The following RAB39A variants were observed in gnomAD, a reference collection of about 807,000 sequenced individuals.
RAB39A encodes RAB39A, member RAS oncogene family, also known as ras-related protein Rab-39A.
Under a neutral mutation model 20.9 loss-of-function variants are expected in RAB39A, and 17 were observed. The observed-to-expected ratio is 0.81, with a 90% CI of 0.56 to 1.22. The LOEUF (loss-of-function observed/expected upper bound fraction) is 1.22. Ranked by LOEUF, RAB39A falls within the 50% of genes most tolerant of loss-of-function variation. The pLI, the probability that RAB39A is intolerant of heterozygous loss-of-function variation, is 0.00. For synonymous variants in RAB39A, 99 were observed against 103.4 expected, an observed-to-expected ratio of 0.96 and a Z score of 0.26; for missense variants, 234 against 270.5, an observed-to-expected ratio of 0.87 and a Z score of 0.95.
intron 1 of RAB39A, among the ~76,000 whole-genome samples, chr11:107,961,166 T>G (rs1419749155): frequency 2.0e-5 from 3 of 152,142 alleles, no homozygotes; most frequent in African/African-American, 7.2e-5. Context: ...TACCACAGAA[T>G]GGGGATTTAA....
chr11:107,928,659 G>A lies in RAB39A; in HGVS notation c.91G>A (p.Gly31Ser). The change falls in exon 1 of 2, where the codon GGC (glycine) becomes AGC (serine). Residue 31 changes from glycine (G) to serine (S), a missense_variant. Physicochemically the swap from Gly to Ser is moderately conservative, Grantham distance 56 (BLOSUM62 0). Coordinates refer to ENST00000320578, the MANE Select transcript of RAB39A (RefSeq NM_017516.3). This position sits in a 1 kb window ranked among gnomAD's most constrained non-coding sequence, Gnocchi z 4.9. ...KSCLLHRFTQGRFPGLRSPAC... is the reference protein window; with the variant it reads ...KSCLLHRFTQSRFPGLRSPAC... ...CTGCCTCCTGCACCGCTTCACCCAGGGCCGCTTCCCCGGGCTGCGCTCCCC... is the reference window on the plus strand; with the variant it reads ...CTGCCTCCTGCACCGCTTCACCCAGAGCCGCTTCCCCGGGCTGCGCTCCCC... 6.2e-7 allele frequency: 1 copy of A among 1,612,706 alleles called. No homozygotes were observed. The highest frequency in any genetic ancestry group is 8.5e-7 in the Non-Finnish European group (1 of 1,179,136).
intron 1 of RAB39A, among the ~76,000 whole-genome samples, chr11:107,947,646 G>A (rs2134964797): frequency 6.6e-6 from 1 of 151,896 alleles, no homozygotes; most frequent in East Asian, 1.9e-4. Context: ...TGGAACCACA[G>A]AGAAGTTCCT....
intron 1 of RAB39A, among the ~76,000 whole-genome samples, chr11:107,945,745 C>A (rs539992548): frequency 6.6e-6 from 1 of 152,200 alleles, no homozygotes; most frequent in South Asian, 2.1e-4. Flanking sequence ...ATATATCAAA[C>A]AATTTTCTCT....
chr11:107,961,820 T>G (rs1373269501), intron 1 of RAB39A, 126 bp from the exon 2 acceptor site: 1 of 810,792 alleles, frequency 1.2e-6, no homozygotes, highest in Admixed American at 3.1e-5. Flanking sequence ...ACCTCATATT[T>G]TATTTATAAA....
At chr11:107,956,445 A>G (rs1376361546) in intron 1 of RAB39A, among the ~76,000 whole-genome samples, 3 of 152,230 alleles carry the variant, frequency 2.0e-5, no homozygotes, top group Admixed American at 6.5e-5. Context: ...GCTATACAAG[A>G]GTACTGACCT....
At chr11:107,939,385 T>A (rs2134955925) in intron 1 of RAB39A, among the ~76,000 whole-genome samples, 1 of 149,358 alleles carries the variant, frequency 6.7e-6, no homozygotes, top group South Asian at 2.1e-4. Context: ...GGCGGGCAGA[T>A]CACAAGGTCA....
chr11:107,942,944 T>C lies in RAB39A; in HGVS notation c.227+14149T>C, dbSNP rs73553033. On this transcript the variant is annotated intron_variant, in intron 1 of 1. Transcript: ENST00000320578. Reference sequence around the variant, plus strand: ...GTTCACCCAAACCACTATTTTATTGTTATATTCTGAAAACAAAAGGAGAAA... The same window carrying C: ...GTTCACCCAAACCACTATTTTATTGCTATATTCTGAAAACAAAAGGAGAAA... 6.5e-3 allele frequency among the ~76,000 whole-genome samples: 994 copies of C among 152,312 alleles called. 11 individuals are homozygous for C. Among genetic ancestry groups the C allele is most frequent in the African/African-American group, 0.023 (946 of 41,574 alleles).
chr11:107,933,954 C>A (rs1449875000), intron 1 of RAB39A, among the ~76,000 whole-genome samples: 10 of 152,148 alleles, frequency 6.6e-5, no homozygotes, highest in Non-Finnish European at 1.5e-4. Context: ...CCGCACCCAG[C>A]CTGTGATTCT....
At position 107,962,195 on chromosome 11, in the gene RAB39A, G is replaced by A; in HGVS notation, c.477G>A (p.Lys159=). The A allele has an allele frequency of 6.2e-7, 1 of 1,614,040 alleles. No individual in the cohort carries two copies. The highest frequency in any genetic ancestry group is 8.5e-7 in the Non-Finnish European group (1 of 1,179,978). ...TGAAGTATATAGAAACCTCAGCAAA[G>A]GATGCTACAAATGTTGAAGAATCCT... The part of the protein sequence containing the change: ...CGMKYIETSA[K]DATNVEESFT... The change falls in exon 2 of 2, where the codon AAG becomes AAA. Residue 159 remains lysine (K), a synonymous_variant. Coordinates refer to ENST00000320578, the MANE Select transcript of RAB39A (RefSeq NM_017516.3).
In RAB39A at chr11:107,950,766, A is replaced by G. The variant is rs978138339; in HGVS notation, c.228-11180A>G. On this transcript the variant is annotated intron_variant, in intron 1 of 1. Transcript: ENST00000320578. Reference sequence around the variant, plus strand: ...GGGCGACAGAGCGAGACCCTGTCTAAAAAAAAAAAAAAAAAGACAAAATCC... The same window carrying G: ...GGGCGACAGAGCGAGACCCTGTCTAGAAAAAAAAAAAAAAAGACAAAATCC... Among the ~76,000 whole-genome samples, 3 of 147,880 alleles carry G rather than the reference A, an allele frequency of 2.0e-5. No homozygotes were observed. In the South Asian group the frequency reaches 6.4e-4, roughly 31 times the overall value.
intron 1 of RAB39A, among the ~76,000 whole-genome samples, chr11:107,961,405 A>T (rs1432995725): frequency 6.6e-6 from 1 of 152,092 alleles, no homozygotes; most frequent in Non-Finnish European, 1.5e-5. Context: ...ATTACATCCC[A>T]AAGGCCCCTC....
Position 107,937,146 on chromosome 11 carries a change from G to GT in RAB39A, c.227+8357dup, listed in dbSNP as rs1861202396. Among the ~76,000 whole-genome samples the GT allele has an allele frequency of 2.0e-5, 3 of 151,984 alleles. No homozygotes were observed. The South Asian group carries it at 6.2e-4, about 32-fold the overall frequency. ...TCTAGCCAAATTCATTTATTTATTTGTTTTTTAGAGACAGAGTTTTGCTGT... is the reference window on the plus strand; with the variant it reads ...TCTAGCCAAATTCATTTATTTATTTGTTTTTTTAGAGACAGAGTTTTGCTGT... On this transcript the variant is annotated intron_variant, in intron 1 of 1. Coordinates refer to ENST00000320578, the MANE Select transcript of RAB39A (RefSeq NM_017516.3).
At chr11:107,957,083 T>C (rs1861444429) in intron 1 of RAB39A, among the ~76,000 whole-genome samples, 1 of 152,034 alleles carries the variant, frequency 6.6e-6, no homozygotes, top group Admixed American at 6.6e-5. Context: ...ATATTTCTGA[T>C]GAAAAGGAAA....
At chr11:107,950,354 C>T (rs1861365234) in intron 1 of RAB39A, among the ~76,000 whole-genome samples, 1 of 152,134 alleles carries the variant, frequency 6.6e-6, no homozygotes, top group South Asian at 2.1e-4. Flanking sequence ...CATTTGAATG[C>T]TGCCTGGGCA....
At chr11:107,952,678 G>A (rs186132051) in intron 1 of RAB39A, among the ~76,000 whole-genome samples, 3 of 152,058 alleles carry the variant, frequency 2.0e-5, no homozygotes, top group East Asian at 3.9e-4. Flanking sequence ...TCAAGAGATC[G>A]AGACCATTCT....
chr11:107,938,259 C>T (rs958176100), intron 1 of RAB39A, among the ~76,000 whole-genome samples: 4 of 146,586 alleles, frequency 2.7e-5, no homozygotes, highest in Non-Finnish European at 4.5e-5. Flanking sequence ...ACTCGAGAGG[C>T]GGAGGCAGGA....
chr11:107,939,243 C>CAAAAAAA (rs138488479), intron 1 of RAB39A, among the ~76,000 whole-genome samples: 2 of 68,564 alleles, frequency 2.9e-5, no homozygotes, highest in Non-Finnish European at 5.5e-5. Flanking sequence ...GACTCTGTCT[C>CAAAAAAA]AAAAAAAAAA....
At chr11:107,944,254 G>C (rs1861287777) in intron 1 of RAB39A, among the ~76,000 whole-genome samples, 1 of 152,124 alleles carries the variant, frequency 6.6e-6, no homozygotes, top group Admixed American at 6.6e-5. Context: ...TCTTCATGTA[G>C]ATGAATGTCA....
At chr11:107,947,368 A>G (rs915787892) in intron 1 of RAB39A, among the ~76,000 whole-genome samples, 4 of 152,208 alleles carry the variant, frequency 2.6e-5, no homozygotes, top group South Asian at 2.1e-4. Context: ...CAGCCTCCCA[A>G]CATGCTGGGA....
Sources: gnomAD v4.1 joint callset for allele counts (sites outside exome capture counted in the v4.1 genomes callset) on GRCh38, gnomAD v4.1.1 for gene constraint, Gnocchi (gnomAD v3.1) non-coding constraint, MANE v1.5 for transcripts, NCBI Gene and HGNC (gene_info 2026-07-23, HGNC 2026-07-21) for gene names.